The following ASIC2 variants were observed in gnomAD, a reference collection of about 807,000 sequenced individuals.
The protein encoded by ASIC2 is acid-sensing ion channel 2.
Under a neutral mutation model 57.3 loss-of-function variants are expected in ASIC2, and 25 were observed. The ratio of observed to expected loss-of-function variants is 0.44; its 90% CI spans 0.32 to 0.61. The LOEUF is 0.61. Ranked by LOEUF, ASIC2 falls within the 20% of genes least tolerant of loss-of-function variation. ASIC2 has a pLI of 0.06. For missense variants in ASIC2, 641 were observed against 738.1 expected (o/e 0.87, Z 1.52); for synonymous variants, 319 against 307.5 (o/e 1.04, Z -0.39).
chr17:33,573,906 C>T (rs902112559), intron 1 of ASIC2, among the ~76,000 whole-genome samples: 1 of 152,204 alleles, frequency 6.6e-6, no homozygotes, highest in Non-Finnish European at 1.5e-5. Context: ...GTACTATCTT[C>T]AGAATCCACT....
chr17:33,425,490 T>C (rs1399729879), intron 1 of ASIC2, among the ~76,000 whole-genome samples: 1 of 151,974 alleles, frequency 6.6e-6, no homozygotes, highest in East Asian at 1.9e-4. Flanking sequence ...AAGCAGAAGA[T>C]TGGTTTCAAG....
At chr17:33,380,338 C>CATG (rs775529152) in intron 1 of ASIC2, among the ~76,000 whole-genome samples, 5 of 149,440 alleles carry the variant, frequency 3.3e-5, no homozygotes, top group South Asian at 2.1e-4. Flanking sequence ...TTATCATGTA[C>CATG]ATGATGATGA....
At chr17:33,287,850 G>A (rs1220577612) in intron 1 of ASIC2, among the ~76,000 whole-genome samples, 3 of 152,114 alleles carry the variant, frequency 2.0e-5, no homozygotes, top group Admixed American at 2.0e-4. Context: ...GGGAGTGCTT[G>A]GCATCTTGTT....
At chr17:33,394,787 A>G (rs1910016802) in intron 1 of ASIC2, among the ~76,000 whole-genome samples, 1 of 152,166 alleles carries the variant, frequency 6.6e-6, no homozygotes, top group African/African-American at 2.4e-5. Flanking sequence ...AATGTTTCCC[A>G]TGGATGCTGG....
intron 1 of ASIC2, among the ~76,000 whole-genome samples, chr17:33,684,614 A>G (rs1219853349): frequency 2.0e-5 from 3 of 152,222 alleles, no homozygotes. Context: ...ACATCATGAA[A>G]TATTGATGTT....
intron 1 of ASIC2, among the ~76,000 whole-genome samples, chr17:33,739,896 A>G (rs1367680693): frequency 2.0e-5 from 3 of 151,334 alleles, no homozygotes; most frequent in Non-Finnish European, 4.4e-5. Flanking sequence ...GAAAGAAAAG[A>G]AAAAAGAGAA....
chr17:33,915,253 G>A, intron 1 of ASIC2, among the ~76,000 whole-genome samples: 1 of 152,208 alleles, frequency 6.6e-6, no homozygotes, highest in East Asian at 1.9e-4. Context: ...TTACAGGTGT[G>A]CCTGGCTTTA....
intron 1 of ASIC2, among the ~76,000 whole-genome samples, chr17:33,865,755 A>G (rs540373922): frequency 1.1e-5 from 1 of 91,302 alleles, no homozygotes; most frequent in South Asian, 3.7e-4. Context: ...TAATAAAAAA[A>G]AAATAAAAAA....
At chr17:33,973,865 C>T (rs185354458) in intron 1 of ASIC2, among the ~76,000 whole-genome samples, 24 of 152,222 alleles carry the variant, frequency 1.6e-4, no homozygotes, top group Non-Finnish European at 3.1e-4. Flanking sequence ...TGCTTGGTTG[C>T]CCTGGGCCTC....
chr17:33,396,686 G>T (rs1394221600), intron 1 of ASIC2, among the ~76,000 whole-genome samples: 1 of 152,160 alleles, frequency 6.6e-6, no homozygotes, highest in Non-Finnish European at 1.5e-5. Flanking sequence ...TGAGGCTAAG[G>T]TAGAGGACTG....
At chr17:33,685,040 G>A (rs1908137311) in intron 1 of ASIC2, among the ~76,000 whole-genome samples, 1 of 152,126 alleles carries the variant, frequency 6.6e-6, no homozygotes, top group Non-Finnish European at 1.5e-5. Context: ...CAGCACCATG[G>A]CAAGCCCTTG....
chr17:33,630,390 G>A (rs1026451845), intron 1 of ASIC2, among the ~76,000 whole-genome samples: 1 of 152,122 alleles, frequency 6.6e-6, no homozygotes, highest in African/African-American at 2.4e-5. Context: ...TCACGAACCA[G>A]TCTGCACATG....
chr17:33,342,772 T>A (rs1907778468), intron 1 of ASIC2, among the ~76,000 whole-genome samples: 1 of 152,140 alleles, frequency 6.6e-6, no homozygotes, highest in African/African-American at 2.4e-5. Flanking sequence ...AAAGCTCAGA[T>A]CTTCTCCACA....
chr17:33,299,772 C>G (rs995288873), intron 1 of ASIC2, among the ~76,000 whole-genome samples: 1 of 152,174 alleles, frequency 6.6e-6, no homozygotes, highest in African/African-American at 2.4e-5. Flanking sequence ...GTAAAAGGAG[C>G]TAGGAAGCTC....
At chr17:33,360,801 A>G (rs1281100597) in intron 1 of ASIC2, among the ~76,000 whole-genome samples, 1 of 152,160 alleles carries the variant, frequency 6.6e-6, no homozygotes, top group Non-Finnish European at 1.5e-5. Flanking sequence ...GAGTATTAAT[A>G]TATTTTTCAC....
chr17:33,023,358 C>T (rs960905373), intron 6 of ASIC2, among the ~76,000 whole-genome samples: 11 of 151,866 alleles, frequency 7.2e-5, no homozygotes, highest in African/African-American at 2.2e-4. Context: ...GGCATGGTGG[C>T]GGGCGCCTGT....
At chr17:33,501,747 G>C (rs1385790483) in intron 1 of ASIC2, among the ~76,000 whole-genome samples, 1 of 152,210 alleles carries the variant, frequency 6.6e-6, no homozygotes, top group African/African-American at 2.4e-5. Flanking sequence ...AAATTCATGT[G>C]CCCAGGTAAC....
chr17:33,189,655 C>A (rs1010536036), intron 1 of ASIC2, among the ~76,000 whole-genome samples: 1 of 151,866 alleles, frequency 6.6e-6, no homozygotes. Context: ...TAATATCAGA[C>A]GAAGTAGATT....
At chr17:33,325,411 G>A (rs1907035758) in intron 1 of ASIC2, among the ~76,000 whole-genome samples, 1 of 152,150 alleles carries the variant, frequency 6.6e-6, no homozygotes, top group African/African-American at 2.4e-5. Flanking sequence ...AACATTCTAG[G>A]AAGAGAGGAT....
Sources: gnomAD v4.1 joint callset for allele counts (sites outside exome capture counted in the v4.1 genomes callset) on GRCh38, gnomAD v4.1.1 for gene constraint, MANE v1.5 for transcripts, NCBI Gene and HGNC (gene_info 2026-07-23, HGNC 2026-07-21) for gene names.